The following GPR137B variants were observed in gnomAD, a reference collection of about 807,000 sequenced individuals.
The protein encoded by GPR137B is G protein-coupled receptor 137B, also known as integral membrane protein GPR137B.
GPR137B carries 42 observed loss-of-function variants against 42.5 expected under a neutral mutation model. The observed-to-expected ratio is 0.99, with a 90% CI of 0.77 to 1.28. GPR137B has a LOEUF of 1.28. Among genes scored for constraint, GPR137B ranks in the 50% most tolerant of loss-of-function variants. The pLI is 0.00. For missense variants in GPR137B, 487 were observed against 493.9 expected, an observed-to-expected ratio of 0.99 and a Z score of 0.13; for synonymous variants, 218 against 209.7, an observed-to-expected ratio of 1.04 and a Z score of -0.34.
chr1:236,154,637 G>A (rs1027064350), intron 1 of GPR137B, among the ~76,000 whole-genome samples: 2 of 151,708 alleles, frequency 1.3e-5, no homozygotes, highest in Admixed American at 6.6e-5. Context: ...TACCAGACAC[G>A]TCCAGCAAGG....
intron 1 of GPR137B, among the ~76,000 whole-genome samples, chr1:236,148,085 G>T (rs1185904787): frequency 1.3e-5 from 2 of 152,222 alleles, no homozygotes; most frequent in Non-Finnish European, 2.9e-5. Context: ...TTGCACCAAG[G>T]CCTTTGACTC....
intron 3 of GPR137B, among the ~76,000 whole-genome samples, chr1:236,178,936 T>A (rs533562534): frequency 1.4e-4 from 21 of 151,442 alleles, no homozygotes; most frequent in African/African-American, 1.9e-4. Flanking sequence ...TAGCTGGGAC[T>A]ACAGGCACCC....
Position 236,155,971 on chromosome 1 carries a change from G to GCA in GPR137B, c.415-12727_415-12726dup, listed in dbSNP as rs149318312. Among the ~76,000 whole-genome samples the GCA allele has an allele frequency of 4.7e-4, 71 of 152,268 alleles. No homozygotes were observed. Among genetic ancestry groups the GCA allele is most frequent in the African/African-American group, 1.6e-3 (66 of 41,558 alleles). On this transcript the variant is annotated intron_variant, in intron 1 of 6. Coordinates refer to ENST00000366592, the MANE Select transcript of GPR137B (RefSeq NM_003272.4). This position sits in a 1 kb window ranked among gnomAD's most constrained non-coding sequence, Gnocchi z 4.6. The stretch of plus-strand genomic sequence containing the variant: ...CACACATACACAAACGCACACACAT[G>GCA]CACACACACGCGCGCGCGCAAACAC...
At chr1:236,182,106 T>A (rs1445759942) in intron 4 of GPR137B, among the ~76,000 whole-genome samples, 1 of 152,080 alleles carries the variant, frequency 6.6e-6, no homozygotes, top group African/African-American at 2.4e-5. Flanking sequence ...TAGGCCAGGC[T>A]GGTCTTGAAC....
At position 236,162,505 on chromosome 1, in the gene GPR137B, C is replaced by G. The variant is rs141733162; in HGVS notation, c.415-6201C>G. 3.7e-3 allele frequency among the ~76,000 whole-genome samples: 564 copies of G among 152,336 alleles called. 4 individuals are homozygous for G. The highest frequency in any genetic ancestry group is 0.012 in the African/African-American group (499 of 41,568). Reference sequence around the variant, plus strand: ...GTCCATGGGGAAAATGTCCCCAGGCCATGTCAGAGACCTTCATGGCAGCCC... The same window carrying G: ...GTCCATGGGGAAAATGTCCCCAGGCGATGTCAGAGACCTTCATGGCAGCCC... On this transcript the variant is annotated intron_variant, in intron 1 of 6. Transcript: ENST00000366592.
chr1:236,188,022 G>C (rs1236404738), intron 5 of GPR137B, among the ~76,000 whole-genome samples: 2 of 152,110 alleles, frequency 1.3e-5, no homozygotes, highest in African/African-American at 2.4e-5. Flanking sequence ...GCAGTTTGTA[G>C]TTCTCCTTGG....
chr1:236,180,179 C>T lies in GPR137B; in HGVS notation c.837+151C>T, dbSNP rs770422959. On this transcript the variant is annotated intron_variant, in intron 4 of 6. Coordinates refer to ENST00000366592, the MANE Select transcript of GPR137B (RefSeq NM_003272.4). Reference sequence around the variant, plus strand: ...TATCTGCATATAACCTACACGCATCCTTCTGTATACTTTAAATTAATCTCT... The same window carrying T: ...TATCTGCATATAACCTACACGCATCTTTCTGTATACTTTAAATTAATCTCT... The T allele has an allele frequency of 2.4e-5, 15 of 612,972 alleles. No homozygotes were observed. The South Asian group carries it at 2.7e-4, about 11-fold the overall frequency. The allele number at this position is 612,972 out of a possible 1,614,324, so 38.0% of individuals were successfully genotyped here.
At chr1:236,177,114 G>A (rs1423551958) in intron 2 of GPR137B, among the ~76,000 whole-genome samples, 4 of 152,140 alleles carry the variant, frequency 2.6e-5, no homozygotes, top group Admixed American at 2.6e-4. Context: ...GGTTCTGAAA[G>A]TTATGTGAGA....
chr1:236,204,957 A>G (rs1484409949), intron 5 of GPR137B, among the ~76,000 whole-genome samples, 169 bp from the exon 6 acceptor site: 1 of 152,236 alleles, frequency 6.6e-6, no homozygotes, highest in African/African-American at 2.4e-5. Context: ...GGCAAGGCGA[A>G]TCCCTCTCAA....
rs1436665965 is a variant in GPR137B at position 236,191,553 on chromosome 1, T to C, written c.966+7647T>C. 3.9e-5 allele frequency among the ~76,000 whole-genome samples: 6 copies of C among 152,326 alleles called. No individual in the cohort carries two copies. In the East Asian group the frequency reaches 1.2e-3, roughly 29 times the overall value. ...AGTGGACATGCTCTTCCTTTCTGTT[T>C]GTTAGTTTTCCTTCTAACAGTCGGA... is the stretch of plus-strand genomic sequence containing the variant. On this transcript the variant is annotated intron_variant, in intron 5 of 6. Transcript: ENST00000366592.
Position 236,155,167 on chromosome 1 carries a change from C to T in GPR137B, c.414+12131C>T, listed in dbSNP as rs1044783203. ...CCAGGCAGTGGGCAGGCGGGCAGGTCCGTGCGCTTCTGTGGCTGAAGCGGC... is the reference window on the plus strand; with the variant it reads ...CCAGGCAGTGGGCAGGCGGGCAGGTTCGTGCGCTTCTGTGGCTGAAGCGGC... On this transcript the variant is annotated intron_variant, in intron 1 of 6. Coordinates refer to ENST00000366592, the MANE Select transcript of GPR137B (RefSeq NM_003272.4). The surrounding 1 kb of genome is among the most constrained non-coding windows in gnomAD (Gnocchi z 4.6). 3.9e-5 allele frequency among the ~76,000 whole-genome samples: 6 copies of T among 152,218 alleles called. No individual in the cohort carries two copies. In the East Asian group the frequency reaches 1.2e-3, roughly 29 times the overall value.
Position 236,178,432 on chromosome 1 carries a change from C to G in GPR137B, c.483C>G (p.Ala161=). ...CTTCCAGGTTGCCCCTCTACCTGGC[C>G]TCCCTCTTCATCAGCCTTGTTTTCC... ...LLKYRLPLYL[A]SLFISLVFLL... is the part of the protein sequence containing the mutation. The change falls in exon 3 of 7, where the codon GCC becomes GCG. Residue 161 remains alanine, a synonymous_variant. Transcript: ENST00000366592. 4 of 1,613,440 alleles carry G rather than the reference C, an allele frequency of 2.5e-6. No individual in the cohort carries two copies. The highest frequency in any genetic ancestry group is 3.4e-6 in the Non-Finnish European group (4 of 1,179,718).
chr1:236,200,442 G>T (rs1033544689), intron 5 of GPR137B, among the ~76,000 whole-genome samples: 1 of 151,996 alleles, frequency 6.6e-6, no homozygotes, highest in African/African-American at 2.4e-5. Context: ...AGTGCTGTCA[G>T]TGGAGTACTG....
chr1:236,194,028 A>G (rs567510942), intron 5 of GPR137B, among the ~76,000 whole-genome samples: 2 of 152,342 alleles, frequency 1.3e-5, no homozygotes, highest in East Asian at 1.9e-4. Flanking sequence ...ATTCAGTAGA[A>G]ACTATAATTG....
chr1:236,200,997 C>A (rs1167156401), intron 5 of GPR137B, among the ~76,000 whole-genome samples: 1 of 151,610 alleles, frequency 6.6e-6, no homozygotes, highest in African/African-American at 2.4e-5. Context: ...AATTAGAACT[C>A]CTTTTAGCAT....
intron 1 of GPR137B, among the ~76,000 whole-genome samples, chr1:236,164,171 C>T (rs905439273): frequency 4.6e-5 from 7 of 152,228 alleles, no homozygotes; most frequent in African/African-American, 1.7e-4. Context: ...CCCAGCTTCT[C>T]CTCCTTTTTA....
intron 5 of GPR137B, among the ~76,000 whole-genome samples, chr1:236,188,967 G>A (rs549040790): frequency 6.6e-6 from 1 of 152,196 alleles, no homozygotes; most frequent in African/African-American, 2.4e-5. Context: ...TTTTCGGTTG[G>A]TAGGTTATTA....
chr1:236,168,792 G>T, intron 2 of GPR137B, 37 bp downstream of exon 2: 4 of 1,412,366 alleles, frequency 2.8e-6, no homozygotes, highest in Non-Finnish European at 4.0e-6. Flanking sequence ...GTGGTAGAAG[G>T]GGAAAGTGCC....
chr1:236,205,100 T>C (rs879104215), intron 5 of GPR137B, 26 bp from the exon 6 acceptor site: 23 of 1,601,846 alleles, frequency 1.4e-5, no homozygotes, highest in Non-Finnish European at 1.9e-5. Flanking sequence ...TCTGTAAGTA[T>C]GCTGAATGAT....
Sources: allele counts gnomAD v4.1 joint callset (sites outside exome capture counted in the v4.1 genomes callset), GRCh38; gene constraint gnomAD v4.1.1; non-coding constraint Gnocchi (gnomAD v3.1); transcripts MANE v1.5; gene names NCBI Gene and HGNC (gene_info 2026-07-23, HGNC 2026-07-21).